The following SYN3 variants were observed in gnomAD, a reference collection of about 807,000 sequenced individuals.
The protein encoded by SYN3 is synapsin III.
A neutral mutation model predicts 65.8 loss-of-function variants in SYN3; 35 were observed. The ratio of observed to expected loss-of-function variants is 0.53; its 90% CI spans 0.41 to 0.70. SYN3 has a LOEUF of 0.70. SYN3 is among the 30% of genes least tolerant of loss of function. The pLI is 0.00. For synonymous variants in SYN3, 270 were observed against 292.9 expected, an observed-to-expected ratio of 0.92 and a Z score of 0.80; for missense variants, 680 against 749.0, an observed-to-expected ratio of 0.91 and a Z score of 1.08.
intron 6 of SYN3, among the ~76,000 whole-genome samples, chr22:32,635,876 G>T (rs1027952250): frequency 2.0e-4 from 30 of 152,248 alleles, no homozygotes; most frequent in African/African-American, 7.2e-4. Context: ...AAGAAAGAAT[G>T]ATAAAAGAAA....
intron 6 of SYN3, among the ~76,000 whole-genome samples, chr22:32,817,829 C>T (rs953569451): frequency 6.6e-6 from 1 of 152,288 alleles, no homozygotes; most frequent in South Asian, 2.1e-4. Context: ...AGGCACCCTG[C>T]GAGCAGGTAA....
chr22:32,967,676 C>A (rs191423455), intron 3 of SYN3, among the ~76,000 whole-genome samples: 1 of 152,334 alleles, frequency 6.6e-6, no homozygotes, highest in African/African-American at 2.4e-5. Context: ...TTGGTTCATT[C>A]CAGTTTTCTG....
At chr22:32,592,761 C>T (rs2059145810) in intron 7 of SYN3, among the ~76,000 whole-genome samples, 1 of 152,188 alleles carries the variant, frequency 6.6e-6, no homozygotes, top group Non-Finnish European at 1.5e-5. Context: ...GCCTCATACC[C>T]TCTGCACAGC....
chr22:32,698,700 GT>G (rs1298760032), intron 6 of SYN3, among the ~76,000 whole-genome samples: 1 of 152,154 alleles, frequency 6.6e-6, no homozygotes, highest in Admixed American at 6.5e-5. Flanking sequence ...ATCATTTTAG[GT>G]AGTTAGTAAA....
chr22:32,678,394 C>T (rs1601897301), intron 6 of SYN3, among the ~76,000 whole-genome samples: 1 of 152,174 alleles, frequency 6.6e-6, no homozygotes, highest in Non-Finnish European at 1.5e-5. Context: ...TGTCAGATCA[C>T]ACAGAACGCC....
At chr22:32,616,778 A>C (rs2059526760) in intron 6 of SYN3, among the ~76,000 whole-genome samples, 1 of 152,220 alleles carries the variant, frequency 6.6e-6, no homozygotes, top group African/African-American at 2.4e-5. Flanking sequence ...TATAGAAGCA[A>C]AGAAGAGTGA....
At chr22:32,767,104 A>AGGG (rs2045646613) in intron 6 of SYN3, among the ~76,000 whole-genome samples, 1 of 152,170 alleles carries the variant, frequency 6.6e-6, no homozygotes, top group Non-Finnish European at 1.5e-5. Flanking sequence ...GAATTGACTC[A>AGGG]ATCCCTACTG....
intron 6 of SYN3, among the ~76,000 whole-genome samples, chr22:32,718,445 C>G (rs1733802790): frequency 6.6e-6 from 1 of 151,216 alleles, no homozygotes; most frequent in South Asian, 2.1e-4. Context: ...TGCCCCTGAC[C>G]TGGAAGCAGC....
intron 4 of SYN3, among the ~76,000 whole-genome samples, chr22:32,925,244 G>A (rs762507445): frequency 5.3e-5 from 8 of 152,098 alleles, no homozygotes; most frequent in Non-Finnish European, 7.3e-5. Flanking sequence ...GTGTTTTCCC[G>A]TGTCTAAATT....
chr22:32,779,186 A>C (rs755852735), intron 6 of SYN3, among the ~76,000 whole-genome samples: 1 of 152,214 alleles, frequency 6.6e-6, no homozygotes, highest in Non-Finnish European at 1.5e-5. Flanking sequence ...CCAGCCGGGC[A>C]TGGTGGCTCA....
intron 4 of SYN3, among the ~76,000 whole-genome samples, chr22:32,879,491 T>C (rs1292869768): frequency 5.9e-5 from 9 of 152,312 alleles, no homozygotes; most frequent in East Asian, 5.8e-4. Context: ...GGTTTGTAGA[T>C]GGCACATTCT....
chr22:32,555,346 T>G (rs1569033664), intron 7 of SYN3, among the ~76,000 whole-genome samples: 1 of 152,216 alleles, frequency 6.6e-6, no homozygotes, highest in Non-Finnish European at 1.5e-5. Context: ...TCCCAGAAAG[T>G]GATTTGGAAT....
intron 6 of SYN3, among the ~76,000 whole-genome samples, chr22:32,676,528 CTTTTTTTTTTTTTTTTT>C (rs879196572): frequency 2.0e-4 from 18 of 88,932 alleles, no homozygotes; most frequent in Admixed American, 9.1e-4. Flanking sequence ...TCTTTTCTTT[CTTTTTTTTTTTTTTTTT>C]TTTTTTTTTT....
rs145731939 is a variant in SYN3 at position 32,707,065 on chromosome 22, C to G, written c.712-110329G>C. On this transcript the variant is annotated intron_variant, in intron 6 of 13. Transcript: ENST00000358763. ...TATGACTTTTACTGTTTGCTGTCCT[C>G]CCTTCAGTATCTGTTGAATTTTTCT... Among the ~76,000 whole-genome samples the G allele has an allele frequency of 3.3e-5, 5 of 152,282 alleles. No individual in the cohort carries two copies. In the East Asian group the frequency reaches 9.6e-4, roughly 29 times the overall value.
chr22:32,888,187 C>T (rs768519466), intron 4 of SYN3, among the ~76,000 whole-genome samples: 3 of 152,038 alleles, frequency 2.0e-5, no homozygotes, highest in African/African-American at 4.8e-5. Flanking sequence ...TTTAGGAAAG[C>T]ATATGTATGT....
At chr22:32,579,525 A>G (rs974221403) in intron 7 of SYN3, among the ~76,000 whole-genome samples, 6 of 152,288 alleles carry the variant, frequency 3.9e-5, no homozygotes, top group Non-Finnish European at 7.4e-5. Context: ...TCCCAGAGGA[A>G]CCACCTCTTA....
chr22:32,751,062 A>T (rs539391114), intron 6 of SYN3, among the ~76,000 whole-genome samples: 1 of 152,088 alleles, frequency 6.6e-6, no homozygotes, highest in African/African-American at 2.4e-5. Flanking sequence ...GCAGGCAGGG[A>T]GAAAAAGAGG....
chr22:32,670,911 T>G (rs535608720), intron 6 of SYN3, among the ~76,000 whole-genome samples: 1 of 152,324 alleles, frequency 6.6e-6, no homozygotes, highest in East Asian at 1.9e-4. Flanking sequence ...AAGGCAGCGC[T>G]GACAGCACAC....
intron 12 of SYN3, among the ~76,000 whole-genome samples, chr22:32,522,636 G>A (rs974819269): frequency 3.3e-5 from 5 of 152,154 alleles, no homozygotes; most frequent in South Asian, 4.1e-4. Flanking sequence ...TAAGACACAC[G>A]TTATTAATAG....
Sources: gnomAD v4.1 joint callset for allele counts (sites outside exome capture counted in the v4.1 genomes callset) on GRCh38, gnomAD v4.1.1 for gene constraint, MANE v1.5 for transcripts, NCBI Gene and HGNC (gene_info 2026-07-23, HGNC 2026-07-21) for gene names.